Variants in COL15A1 observed in about 807,000 individuals in gnomAD.
The protein encoded by COL15A1 is collagen type XV alpha 1 chain, also known as collagen alpha-1(XV) chain.
Under a neutral mutation model 165.9 loss-of-function variants are expected in COL15A1, and 111 were observed. The observed-to-expected ratio is 0.67, with a 90% CI of 0.57 to 0.78. COL15A1 has a LOEUF of 0.78. COL15A1 is among the 30% of genes least tolerant of loss of function. The pLI is 0.00. For synonymous variants in COL15A1, 659 were observed against 674.8 expected, an observed-to-expected ratio of 0.98 and a Z score of 0.36; for missense variants, 1,745 against 1,789.7, an observed-to-expected ratio of 0.98 and a Z score of 0.45.
chr9:99,022,159 C>A lies in COL15A1; in HGVS notation c.1761+9C>A. ...GGCCTGTTGGACCCACGGTGAGATT[C>A]CCATCCAGGCTTGTCACACACACAG... On this transcript the variant is annotated intron_variant, in intron 13 of 41. Transcript: ENST00000375001. 1 of 1,614,124 alleles carries A rather than the reference C, an allele frequency of 6.2e-7. No individual in the cohort carries two copies. The highest frequency in any genetic ancestry group is 2.2e-5 in the East Asian group (1 of 44,870).
At chr9:99,008,580 A>C (rs1321718055) in intron 9 of COL15A1, among the ~76,000 whole-genome samples, 2 of 152,156 alleles carry the variant, frequency 1.3e-5, no homozygotes, top group African/African-American at 2.4e-5. Flanking sequence ...AGGTAGAAAT[A>C]TGCTCCAAAT....
Position 99,024,865 on chromosome 9 carries a change from T to G in COL15A1, c.1855-9T>G. 1 of 1,611,106 alleles carries G rather than the reference T, an allele frequency of 6.2e-7. No individual in the cohort carries two copies. The highest frequency in any genetic ancestry group is 8.5e-7 in the Non-Finnish European group (1 of 1,178,938). ...CCCACTGTTTCTAACAGAGTCTTTGTGTTTTTAGGGTCCTCCAGGACCCCC... is the reference window on the plus strand; with the variant it reads ...CCCACTGTTTCTAACAGAGTCTTTGGGTTTTTAGGGTCCTCCAGGACCCCC... On this transcript the variant is annotated splice_polypyrimidine_tract_variant and intron_variant, in intron 14 of 41. Coordinates refer to ENST00000375001, the MANE Select transcript of COL15A1 (RefSeq NM_001855.5).
chr9:99,069,883 G>A lies in COL15A1; in HGVS notation c.4164G>A (p.Lys1388=). Residue 1388 remains lysine (K), a synonymous_variant, in exon 42 of 42, where the codon AAG becomes AAA. Transcript: ENST00000375001. The part of the protein sequence containing the change: ...IENSFMTDAR[K] ...ACAGTTTCATGACAGACGCTAGGAAGTAATGGCCTTCTGATGATTCTTAAA... is the reference window on the plus strand; with the variant it reads ...ACAGTTTCATGACAGACGCTAGGAAATAATGGCCTTCTGATGATTCTTAAA... 1 of 1,604,972 alleles carries A rather than the reference G, an allele frequency of 6.2e-7. No individual in the cohort carries two copies. Among genetic ancestry groups the A allele is most frequent in the Non-Finnish European group, 8.5e-7 (1 of 1,172,572 alleles).
At chr9:98,967,113 A>C (rs906938739) in intron 2 of COL15A1, among the ~76,000 whole-genome samples, 3 of 152,218 alleles carry the variant, frequency 2.0e-5, no homozygotes, top group Admixed American at 6.5e-5. Context: ...GAGATGAAAC[A>C]GAACATGCTA....
At chr9:99,002,503 G>T (rs567139565) in intron 7 of COL15A1, among the ~76,000 whole-genome samples, 1 of 152,198 alleles carries the variant, frequency 6.6e-6, no homozygotes, top group African/African-American at 2.4e-5. Flanking sequence ...TTCTTACACA[G>T]CCTAGAGGTA....
At chr9:99,047,574 G>A (rs1210550626) in intron 26 of COL15A1, among the ~76,000 whole-genome samples, 1 of 152,182 alleles carries the variant, frequency 6.6e-6, no homozygotes, top group Non-Finnish European at 1.5e-5. Context: ...GAAAGCAGGG[G>A]ATGGTGTGGG....
intron 35 of COL15A1, among the ~76,000 whole-genome samples, chr9:99,058,449 G>A (rs978119293): frequency 1.3e-5 from 2 of 152,198 alleles, no homozygotes; most frequent in African/African-American, 4.8e-5. Flanking sequence ...GGAACCACAG[G>A]TGCCCACACA....
intron 11 of COL15A1, among the ~76,000 whole-genome samples, chr9:99,018,465 C>T (rs921711428): frequency 5.3e-5 from 8 of 152,092 alleles, no homozygotes; most frequent in Non-Finnish European, 8.8e-5. Flanking sequence ...ATCATAAGAG[C>T]GCATATTGCT....
At chr9:99,044,160 G>C (rs552471749) in intron 24 of COL15A1, among the ~76,000 whole-genome samples, 1 of 152,228 alleles carries the variant, frequency 6.6e-6, no homozygotes, top group South Asian at 2.1e-4. Flanking sequence ...CAAATACATT[G>C]GGAGCCAGAG....
intron 2 of COL15A1, among the ~76,000 whole-genome samples, chr9:98,952,036 C>T (rs908862460): frequency 3.9e-5 from 6 of 152,194 alleles, no homozygotes; most frequent in African/African-American, 1.4e-4. Context: ...TCCCTAACTG[C>T]TACATAGGAA....
At chr9:99,068,856 A>G (rs919733649) in intron 41 of COL15A1, among the ~76,000 whole-genome samples, 186 bp downstream of exon 41, 5 of 152,226 alleles carry the variant, frequency 3.3e-5, no homozygotes, top group Non-Finnish European at 7.3e-5. Flanking sequence ...GTAACTCAAT[A>G]TGGAATCCTG....
intron 2 of COL15A1, 105 bp downstream of exon 2, chr9:98,944,355 A>G: frequency 8.6e-7 from 1 of 1,164,606 alleles, no homozygotes; most frequent in South Asian, 1.4e-5. Context: ...TCCTGGACAT[A>G]AAAGGGAGTC....
chr9:99,056,192 A>G (rs1379870607), intron 34 of COL15A1, 68 bp from the exon 35 acceptor site: 20 of 1,430,338 alleles, frequency 1.4e-5, no homozygotes, highest in Non-Finnish European at 1.8e-5. Context: ...ATTCTCATAA[A>G]AGGACTAGAT....
chr9:99,046,060 C>CCA (rs760143729), intron 26 of COL15A1, among the ~76,000 whole-genome samples: 1 of 152,228 alleles, frequency 6.6e-6, no homozygotes, highest in Non-Finnish European at 1.5e-5. Context: ...TACTGGTTAA[C>CCA]CACCTACTAA....
chr9:98,951,884 C>T (rs1464732188), intron 2 of COL15A1, among the ~76,000 whole-genome samples: 2 of 152,166 alleles, frequency 1.3e-5, no homozygotes, highest in East Asian at 3.9e-4. Context: ...AAATGCCTTT[C>T]CCCCATAGTA....
intron 4 of COL15A1, among the ~76,000 whole-genome samples, chr9:98,988,888 A>G (rs1457658456): frequency 2.0e-5 from 3 of 152,096 alleles, no homozygotes; most frequent in African/African-American, 4.8e-5. Context: ...GCACCACTGC[A>G]CTCCAGCATG....
At chr9:99,065,941 G>T (rs151191494) in intron 39 of COL15A1, among the ~76,000 whole-genome samples, 5 of 152,004 alleles carry the variant, frequency 3.3e-5, no homozygotes, top group Non-Finnish European at 5.9e-5. Flanking sequence ...GGTCTGAGAG[G>T]CGGGGTAGAA....
intron 2 of COL15A1, among the ~76,000 whole-genome samples, chr9:98,946,371 C>T (rs576285664): frequency 7.9e-5 from 12 of 152,272 alleles, no homozygotes; most frequent in South Asian, 4.2e-4. Flanking sequence ...AAGAGCTTCA[C>T]GGATGGAGAA....
At chr9:98,983,509 A>G (rs1802568064) in intron 2 of COL15A1, among the ~76,000 whole-genome samples, 1 of 152,146 alleles carries the variant, frequency 6.6e-6, no homozygotes, top group Non-Finnish European at 1.5e-5. Flanking sequence ...TTCCCAAGGG[A>G]TAAGAGCAGT....
Sources: gnomAD v4.1 joint callset for allele counts (sites outside exome capture counted in the v4.1 genomes callset) on GRCh38, gnomAD v4.1.1 for gene constraint, MANE v1.5 for transcripts, NCBI Gene and HGNC (gene_info 2026-07-23, HGNC 2026-07-21) for gene names.